The following CAP2 variants were observed in gnomAD, a reference collection of about 807,000 sequenced individuals.
The protein encoded by CAP2 is cyclase associated actin cytoskeleton regulatory protein 2.
In CAP2, 24 loss-of-function variants were observed where a neutral mutation model predicts 57.7. That is an observed-to-expected ratio of 0.42 (90% confidence interval 0.30 to 0.58). The LOEUF (loss-of-function observed/expected upper bound fraction) is 0.58. CAP2 is among the 20% of genes least tolerant of loss of function. CAP2 has a pLI of 0.22. For synonymous variants in CAP2, 194 were observed against 207.2 expected (o/e 0.94, Z 0.55); for missense variants, 501 against 590.3 (o/e 0.85, Z 1.57).
At chr6:17,455,048 C>A (rs1760520579) in intron 3 of CAP2, among the ~76,000 whole-genome samples, 1 of 152,114 alleles carries the variant, frequency 6.6e-6, no homozygotes, top group Non-Finnish European at 1.5e-5. Flanking sequence ...CCAGGAATGT[C>A]AGGCCACCAT....
chr6:17,432,715 A>AT (rs1759767969), intron 3 of CAP2, among the ~76,000 whole-genome samples: 3 of 65,606 alleles, frequency 4.6e-5, no homozygotes, highest in Admixed American at 2.1e-4. Flanking sequence ...CCACCCCTCC[A>AT]CCCCCTTGCT....
chr6:17,469,753 A>G (rs1309067587), intron 4 of CAP2, among the ~76,000 whole-genome samples: 2 of 152,188 alleles, frequency 1.3e-5, no homozygotes, highest in Non-Finnish European at 2.9e-5. Context: ...AATCTGAAAA[A>G]TTAGATGGAG....
At chr6:17,536,774 T>C (rs1470594034) in intron 7 of CAP2, among the ~76,000 whole-genome samples, 1 of 152,200 alleles carries the variant, frequency 6.6e-6, no homozygotes, top group East Asian at 1.9e-4. Flanking sequence ...ACCGGCTGTA[T>C]GAGTTATGAT....
chr6:17,461,199 A>T (rs535523269), intron 3 of CAP2, among the ~76,000 whole-genome samples: 1 of 147,034 alleles, frequency 6.8e-6, no homozygotes, highest in Admixed American at 6.9e-5. Context: ...AAAAAAAAAA[A>T]CCCTGTAATC....
Position 17,539,373 on chromosome 6 carries a change from C to G in CAP2, c.741C>G (p.Phe247Leu). The change falls in exon 8 of 13, where the codon TTC (phenylalanine) becomes TTG (leucine). Residue 247 changes from phenylalanine (F) to leucine (L), a missense_variant. By Grantham distance (22) the Phe-to-Leu change is conservative. Transcript: ENST00000229922. ...PLPPPGPPPL[F>L]ENEGKKEESS... Reference sequence around the variant, plus strand: ...CTCCTCCAGGGCCACCTCCACTTTTCGAGAATGAAGGCAAAAAAGAGGAAT... The same window carrying G: ...CTCCTCCAGGGCCACCTCCACTTTTGGAGAATGAAGGCAAAAAAGAGGAAT... The G allele has an allele frequency of 6.2e-7, 1 of 1,614,184 alleles. No homozygotes were observed. Among genetic ancestry groups the G allele is most frequent in the Non-Finnish European group, 8.5e-7 (1 of 1,180,024 alleles).
intron 4 of CAP2, among the ~76,000 whole-genome samples, chr6:17,477,309 T>C (rs1761176183): frequency 6.6e-6 from 1 of 152,252 alleles, no homozygotes; most frequent in South Asian, 2.1e-4. Context: ...TGTTACAGCA[T>C]GTCATCCGGC....
intron 11 of CAP2, among the ~76,000 whole-genome samples, chr6:17,547,685 C>CA (rs771555444): frequency 5.0e-4 from 76 of 151,908 alleles, no homozygotes; most frequent in Admixed American, 1.7e-3. Context: ...ACTAAAAATA[C>CA]AAAAAATAAA....
chr6:17,488,823 T>C (rs1027341505), intron 4 of CAP2, among the ~76,000 whole-genome samples: 6 of 152,296 alleles, frequency 3.9e-5, no homozygotes, highest in African/African-American at 1.4e-4. Flanking sequence ...TTATACCCTC[T>C]GGACATCTAA....
chr6:17,492,857 G>C (rs1761577219), intron 4 of CAP2, among the ~76,000 whole-genome samples: 1 of 152,108 alleles, frequency 6.6e-6, no homozygotes, highest in Admixed American at 6.6e-5. Flanking sequence ...CCAAAGGAAA[G>C]ACCCATTTTC....
At chr6:17,465,210 G>A (rs1023331236) in intron 4 of CAP2, among the ~76,000 whole-genome samples, 2 of 151,998 alleles carry the variant, frequency 1.3e-5, no homozygotes, top group African/African-American at 2.4e-5. Flanking sequence ...CTTTAAAGAT[G>A]GGTTCTTGCT....
At chr6:17,537,147 A>T (rs916533225) in intron 7 of CAP2, among the ~76,000 whole-genome samples, 2 of 152,156 alleles carry the variant, frequency 1.3e-5, no homozygotes, top group South Asian at 2.1e-4. Context: ...ACTTAATAGG[A>T]ATTATATAAG....
chr6:17,544,136 A>AG lies in CAP2; in HGVS notation c.1209+993_1209+994insG, dbSNP rs1189632036. On this transcript the variant is annotated intron_variant, in intron 11 of 12. Coordinates refer to ENST00000229922, the MANE Select transcript of CAP2 (RefSeq NM_006366.3). ...AGAGACTCTGTCTCAAAAAAAAAAA[A>AG]AGAAAAGAAAAAAAGGACAGCTATG... Among the ~76,000 whole-genome samples the AG allele has an allele frequency of 9.3e-5, 14 of 150,124 alleles. 1 individual carries two copies. The East Asian group carries it at 9.7e-4, about 10-fold the overall frequency.
In CAP2 at chr6:17,533,227, A is replaced by G. The variant is rs534638364; in HGVS notation, c.637-6042A>G. Among the ~76,000 whole-genome samples, 6 of 152,256 alleles carry G rather than the reference A, an allele frequency of 3.9e-5. No homozygotes were observed. The South Asian group carries it at 1.2e-3, about 32-fold the overall frequency. ...TATAGAACTATATTAAATAGAGTAT[A>G]CTTATATATAGTATATGTATCCAAA... is the stretch of plus-strand genomic sequence containing the variant. On this transcript the variant is annotated intron_variant, in intron 7 of 12. Coordinates refer to ENST00000229922, the MANE Select transcript of CAP2 (RefSeq NM_006366.3).
chr6:17,515,385 T>TTACAAGTGGAAGCTAAATAATGGG (rs1762253953), intron 7 of CAP2, among the ~76,000 whole-genome samples: 1 of 152,008 alleles, frequency 6.6e-6, no homozygotes, highest in Non-Finnish European at 1.5e-5. Flanking sequence ...GTGTTCCCAC[T>TTACAAGTGGAAGCTAAATAATGGG]TACAAGTGGA....
intron 12 of CAP2, among the ~76,000 whole-genome samples, chr6:17,555,251 A>G (rs570697397): frequency 2.6e-4 from 39 of 150,374 alleles, no homozygotes; most frequent in African/African-American, 8.8e-4. Context: ...CTGGAGTGCA[A>G]TGGCGCAATC....
rs561670455 is a variant in CAP2, at chr6:17,442,185, A to G, written c.222+15495A>G. On this transcript the variant is annotated intron_variant, in intron 3 of 12. Coordinates refer to ENST00000229922, the MANE Select transcript of CAP2 (RefSeq NM_006366.3). ...TGCTGAATCTGAAAGAGATTCCTCT[A>G]CTCCTTAGAGCTCATGATATAATGA... 7.9e-5 allele frequency among the ~76,000 whole-genome samples: 12 copies of G among 152,162 alleles called. 1 individual carries two copies. In the East Asian group the frequency reaches 2.1e-3, roughly 27 times the overall value.
intron 3 of CAP2, 39 bp from the exon 4 acceptor site, chr6:17,462,957 G>A: frequency 1.3e-6 from 2 of 1,527,210 alleles, no homozygotes; most frequent in Admixed American, 1.7e-5. Flanking sequence ...ATTTTTAGGA[G>A]TCAAACATTG....
chr6:17,550,394 C>CTTTTTTTTTT (rs10557884), intron 11 of CAP2, among the ~76,000 whole-genome samples: 1 of 52,046 alleles, frequency 1.9e-5, no homozygotes, highest in Non-Finnish European at 3.4e-5. Flanking sequence ...CTACCCCTGC[C>CTTTTTTTTTT]TTTTTTTTTT....
chr6:17,394,011 C>T (rs1758607354), intron 1 of CAP2, among the ~76,000 whole-genome samples: 2 of 149,278 alleles, frequency 1.3e-5, no homozygotes, highest in Admixed American at 6.7e-5. Context: ...CCCGCCTCCC[C>T]AGCTCCGGCG....
Sources: allele counts gnomAD v4.1 joint callset (sites outside exome capture counted in the v4.1 genomes callset), GRCh38; gene constraint gnomAD v4.1.1; transcripts MANE v1.5; gene names NCBI Gene and HGNC (gene_info 2026-07-23, HGNC 2026-07-21).